The following TFAP2D variants were observed in gnomAD, a reference collection of about 807,000 sequenced individuals.
TFAP2D encodes the protein transcription factor AP-2-delta.
A neutral mutation model predicts 43.6 loss-of-function variants in TFAP2D; 9 were observed. That is an observed-to-expected ratio of 0.21 (90% CI 0.12 to 0.36). The LOEUF (loss-of-function observed/expected upper bound fraction) is 0.36, where lower values mean the gene tolerates loss of function less well. Ranked by LOEUF, TFAP2D falls within the 10% of genes least tolerant of loss-of-function variation. TFAP2D has a pLI of 1.00. For synonymous variants in TFAP2D, 256 were observed against 224.9 expected, an observed-to-expected ratio of 1.14 and a Z score of -1.24; for missense variants, 513 against 561.4, an observed-to-expected ratio of 0.91 and a Z score of 0.87.
intron 3 of TFAP2D, among the ~76,000 whole-genome samples, chr6:50,727,684 C>G (rs574429940): frequency 6.6e-6 from 1 of 152,138 alleles, no homozygotes; most frequent in East Asian, 1.9e-4. Context: ...GAACTTGTCC[C>G]TTTTCTGGAT....
intron 3 of TFAP2D, among the ~76,000 whole-genome samples, chr6:50,728,601 C>A (rs937303646): frequency 6.6e-6 from 1 of 152,150 alleles, no homozygotes; most frequent in Non-Finnish European, 1.5e-5. Flanking sequence ...GTGAGTCAGT[C>A]TACACTCCGT....
At chr6:50,725,309 T>C (rs574986555) in intron 3 of TFAP2D, among the ~76,000 whole-genome samples, 2 of 152,356 alleles carry the variant, frequency 1.3e-5, no homozygotes, top group South Asian at 4.1e-4. Flanking sequence ...CAAAGGACCT[T>C]GAGCAGATAG....
At chr6:50,757,710 TAG>T in intron 7 of TFAP2D, among the ~76,000 whole-genome samples, 1 of 87,038 alleles carries the variant, frequency 1.1e-5, no homozygotes, top group African/African-American at 4.8e-5. Flanking sequence ...TCTATATATA[TAG>T]AATATATATA....
At position 50,729,276 on chromosome 6, in the gene TFAP2D, G is replaced by C. The variant is rs765748206; in HGVS notation, c.847G>C (p.Ala283Pro). 6.2e-7 allele frequency: 1 copy of C among 1,613,952 alleles called. No homozygotes were observed. The highest frequency in any genetic ancestry group is 8.5e-7 in the Non-Finnish European group (1 of 1,179,860). ...GLNLPAGRRK[A>P]ANVTLLTSLV... ...AAACTTACCAGCAGGAAGACGGAAA[G>C]CAGCTAATGTCACCCTCCTTACTTC... The change falls in exon 5 of 8, where the codon GCA becomes CCA. Residue 283 changes from alanine (A) to proline (P), a missense_variant. Transcript: ENST00000008391.
intron 1 of TFAP2D, among the ~76,000 whole-genome samples, chr6:50,714,690 GC>G (rs936277285): frequency 5.3e-5 from 8 of 152,130 alleles, no homozygotes; most frequent in African/African-American, 1.9e-4. Flanking sequence ...GTGGCAAGGC[GC>G]CCCGGGCCAG....
chr6:50,759,890 A>T (rs1322741542), intron 7 of TFAP2D, among the ~76,000 whole-genome samples: 1 of 152,032 alleles, frequency 6.6e-6, no homozygotes, highest in Non-Finnish European at 1.5e-5. Flanking sequence ...AGGGCAGTGG[A>T]TGAGCACACA....
intron 7 of TFAP2D, among the ~76,000 whole-genome samples, chr6:50,766,008 T>G (rs1769436460): frequency 6.6e-6 from 1 of 152,202 alleles, no homozygotes; most frequent in African/African-American, 2.4e-5. Context: ...TGTTTCAGTT[T>G]TTAATCAATT....
chr6:50,743,496 C>G (rs1436631601), intron 5 of TFAP2D, among the ~76,000 whole-genome samples: 1 of 151,958 alleles, frequency 6.6e-6, no homozygotes, highest in African/African-American at 2.4e-5. Flanking sequence ...ATCCTCCGGC[C>G]TCAGACTCCT....
intron 6 of TFAP2D, 45 bp downstream of exon 6, chr6:50,745,293 T>C (rs1282596223): frequency 6.3e-7 from 1 of 1,598,694 alleles, no homozygotes; most frequent in African/African-American, 1.4e-5. Flanking sequence ...TCTTCAGTAT[T>C]TTTTTTTCAT....
chr6:50,732,182 T>C (rs939585984), intron 5 of TFAP2D, among the ~76,000 whole-genome samples: 1 of 152,098 alleles, frequency 6.6e-6, no homozygotes, highest in Non-Finnish European at 1.5e-5. Flanking sequence ...AACAGGCCAT[T>C]GGCTTTCTTA....
At chr6:50,739,621 A>G (rs1769009759) in intron 5 of TFAP2D, among the ~76,000 whole-genome samples, 1 of 152,134 alleles carries the variant, frequency 6.6e-6, no homozygotes, top group Non-Finnish European at 1.5e-5. Context: ...ATAGAGGGAT[A>G]TACTCTATTT....
intron 3 of TFAP2D, among the ~76,000 whole-genome samples, chr6:50,728,403 A>G (rs1021447254): frequency 1.3e-5 from 2 of 152,222 alleles, no homozygotes; most frequent in African/African-American, 4.8e-5. Flanking sequence ...GTTTTCAAAC[A>G]CTTTGGAAAA....
chr6:50,757,495 T>TATAGAATTATTCTATATATAGAATAC (rs1769293113), intron 7 of TFAP2D, among the ~76,000 whole-genome samples: 1 of 77,600 alleles, frequency 1.3e-5, no homozygotes, highest in Non-Finnish European at 2.2e-5. Context: ...ATATATAATA[T>TATAGAATTATTCTATATATAGAATAC]ATATAATTAT....
chr6:50,715,663 C>T (rs1264503400), intron 2 of TFAP2D, 50 bp downstream of exon 2: 5 of 1,529,828 alleles, frequency 3.3e-6, no homozygotes, highest in Non-Finnish European at 4.4e-6. Context: ...CTTCGCCCTC[C>T]CCCTGCCGCC....
rs768284152 is a variant in TFAP2D, at chr6:50,714,050, C to G, written c.-6C>G. 1 of 1,611,814 alleles carries G rather than the reference C, an allele frequency of 6.2e-7. No homozygotes were observed. Among genetic ancestry groups the G allele is most frequent in the Non-Finnish European group, 8.5e-7 (1 of 1,179,628 alleles). Reference sequence around the variant, plus strand: ...ATTGCATCGTAAGCTTTCGGAGAAACCCAACATGTCAACTACCTTTCCGGG... The same window carrying G: ...ATTGCATCGTAAGCTTTCGGAGAAAGCCAACATGTCAACTACCTTTCCGGG... On this transcript the variant is annotated 5_prime_UTR_variant, in exon 1 of 8. Transcript: ENST00000008391.
At chr6:50,764,119 T>G (rs942314437) in intron 7 of TFAP2D, among the ~76,000 whole-genome samples, 2 of 152,176 alleles carry the variant, frequency 1.3e-5, no homozygotes, top group Admixed American at 1.3e-4. Context: ...GTCTCTCTGT[T>G]TAATTGTACT....
intron 5 of TFAP2D, among the ~76,000 whole-genome samples, chr6:50,734,211 G>A (rs539601062): frequency 6.6e-6 from 1 of 151,878 alleles, no homozygotes; most frequent in Non-Finnish European, 1.5e-5. Context: ...TAAATTAGTT[G>A]TTTTGTGCCA....
chr6:50,771,311 C>G (rs1010758182), intron 7 of TFAP2D, among the ~76,000 whole-genome samples: 1 of 152,160 alleles, frequency 6.6e-6, no homozygotes, highest in Non-Finnish European at 1.5e-5. Context: ...CATAGCTACC[C>G]TTTTAAGCAA....
chr6:50,732,244 T>C (rs1272908543), intron 5 of TFAP2D, among the ~76,000 whole-genome samples: 1 of 152,130 alleles, frequency 6.6e-6, no homozygotes, highest in Non-Finnish European at 1.5e-5. Context: ...TCTTTCATCA[T>C]TTTTAAACTG....
Sources: gnomAD v4.1 joint callset for allele counts (sites outside exome capture counted in the v4.1 genomes callset) on GRCh38, gnomAD v4.1.1 for gene constraint, MANE v1.5 for transcripts, NCBI Gene and HGNC (gene_info 2026-07-23, HGNC 2026-07-21) for gene names.